GRB10: variants seen among roughly 807,000 people sequenced by gnomAD.
The protein encoded by GRB10 is growth factor receptor bound protein 10, also known as growth factor receptor-bound protein 10.
In GRB10, 20 loss-of-function variants were observed where a neutral mutation model predicts 80.9. That is an observed-to-expected ratio of 0.25 (90% CI 0.17 to 0.36). The LOEUF is 0.36. Among genes scored for constraint, GRB10 ranks in the 10% least tolerant of loss-of-function variants. The pLI, the probability that GRB10 is intolerant of heterozygous loss-of-function variation, is 1.00. For synonymous variants in GRB10, 291 were observed against 291.5 expected (o/e 1.00, Z 0.02); for missense variants, 548 against 747.7 (o/e 0.73, Z 3.12).
intron 7 of GRB10, among the ~76,000 whole-genome samples, chr7:50,667,944 T>C (rs548118194): frequency 6.6e-6 from 1 of 152,318 alleles, no homozygotes; most frequent in South Asian, 2.1e-4. Context: ...CATGGTCTTA[T>C]TTTAGAATGG....
intron 2 of GRB10, among the ~76,000 whole-genome samples, chr7:50,770,167 C>T (rs1448916161): frequency 2.0e-5 from 3 of 152,232 alleles, no homozygotes; most frequent in Non-Finnish European, 2.9e-5. Context: ...CTAATCACTT[C>T]ATCTAGTTCC....
At chr7:50,665,371 A>T (rs1276414654) in intron 7 of GRB10, among the ~76,000 whole-genome samples, 1 of 152,224 alleles carries the variant, frequency 6.6e-6, no homozygotes, top group African/African-American at 2.4e-5. Context: ...ACAACAAAAT[A>T]AAACAGAAAG....
chr7:50,612,496 T>C (rs951291582), intron 13 of GRB10, among the ~76,000 whole-genome samples: 1 of 152,226 alleles, frequency 6.6e-6, no homozygotes, highest in African/African-American at 2.4e-5. Flanking sequence ...AGAATTATTC[T>C]ACCCAAAATG....
At chr7:50,672,859 A>G (rs770010264) in intron 6 of GRB10, among the ~76,000 whole-genome samples, 12 of 152,236 alleles carry the variant, frequency 7.9e-5, no homozygotes, top group Non-Finnish European at 1.6e-4. Context: ...TTAACTCCTC[A>G]GGAGCTAAGT....
intron 9 of GRB10, 143 bp downstream of exon 9, chr7:50,619,027 T>C: frequency 1.5e-6 from 1 of 680,554 alleles, no homozygotes; most frequent in Non-Finnish European, 2.7e-6. Flanking sequence ...AAGGACTGCT[T>C]CATTAAACTA....
chr7:50,645,667 C>T (rs576570610), intron 7 of GRB10: 15 of 981,636 alleles, frequency 1.5e-5, no homozygotes, highest in South Asian at 1.4e-4. Flanking sequence ...AAGCAAACGC[C>T]GTCGTATCAG....
At chr7:50,753,888 G>T (rs774961646) in intron 3 of GRB10, among the ~76,000 whole-genome samples, 1 of 152,232 alleles carries the variant, frequency 6.6e-6, no homozygotes, top group African/African-American at 2.4e-5. Context: ...AGGTGATCCA[G>T]GAAGTGGGCG....
At chr7:50,614,737 C>T (rs776123116) in intron 12 of GRB10, 33 bp downstream of exon 12, 2 of 1,355,074 alleles carry the variant, frequency 1.5e-6, no homozygotes, top group Admixed American at 1.7e-5. Flanking sequence ...GGCTGCTGAG[C>T]ATGCGCGCCG....
chr7:50,619,689 G>C (rs529605868), intron 8 of GRB10, among the ~76,000 whole-genome samples: 11 of 152,214 alleles, frequency 7.2e-5, no homozygotes, highest in Admixed American at 1.3e-4. Flanking sequence ...GGATGACCAA[G>C]AAGGTGCAGA....
intron 7 of GRB10, among the ~76,000 whole-genome samples, chr7:50,638,958 GC>G (rs2055599879): frequency 6.6e-6 from 1 of 152,324 alleles, no homozygotes; most frequent in South Asian, 2.1e-4. Flanking sequence ...GGAGCTGGAG[GC>G]CATTATCTTA....
At chr7:50,702,099 G>T (rs1319919401) in intron 5 of GRB10, among the ~76,000 whole-genome samples, 1 of 152,228 alleles carries the variant, frequency 6.6e-6, no homozygotes, top group African/African-American at 2.4e-5. Context: ...GCTGCCTCAT[G>T]GAAGACTGCA....
At chr7:50,656,274 G>C (rs1366479223) in intron 7 of GRB10, among the ~76,000 whole-genome samples, 1 of 152,170 alleles carries the variant, frequency 6.6e-6, no homozygotes, top group Non-Finnish European at 1.5e-5. Context: ...GCTTGCTATC[G>C]GTCACTCTGA....
chr7:50,596,402 G>C lies in GRB10; in HGVS notation c.1545-872C>G, dbSNP rs141144880. 6.3e-3 allele frequency among the ~76,000 whole-genome samples: 963 copies of C among 152,336 alleles called. 10 individuals carry two copies. The highest frequency in any genetic ancestry group is 0.022 in the African/African-American group (917 of 41,570). On this transcript the variant is annotated intron_variant, in intron 17 of 18. Transcript: ENST00000401949. Reference sequence around the variant, plus strand: ...GGGGTGCTCCCGCCAAAAATGCATAGCCTGAATCTCACCATGAGTGAGGAG... The same window carrying C: ...GGGGTGCTCCCGCCAAAAATGCATACCCTGAATCTCACCATGAGTGAGGAG...
chr7:50,614,311 CACAT>C (rs1299482525), intron 12 of GRB10, among the ~76,000 whole-genome samples: 1 of 152,170 alleles, frequency 6.6e-6, no homozygotes, highest in Non-Finnish European at 1.5e-5. Flanking sequence ...TGCCAGCACA[CACAT>C]GCATGCAGAG....
chr7:50,621,321 G>A (rs1349520810), intron 8 of GRB10, among the ~76,000 whole-genome samples: 11 of 152,256 alleles, frequency 7.2e-5, no homozygotes, highest in Non-Finnish European at 1.3e-4. Context: ...CCAGGAACTC[G>A]GGATAACCGG....
upstream of GRB10, among the ~76,000 whole-genome samples, chr7:50,784,832 G>A: frequency 6.6e-6 from 1 of 152,226 alleles, no homozygotes; most frequent in East Asian, 1.9e-4. Flanking sequence ...TGGAAGCCCA[G>A]AAAGTCTCAG....
intron 5 of GRB10, among the ~76,000 whole-genome samples, chr7:50,690,652 T>C (rs908976825): frequency 6.6e-6 from 1 of 151,968 alleles, no homozygotes; most frequent in African/African-American, 2.4e-5. Flanking sequence ...GAGCAACCGA[T>C]ACTTGTTTCA....
At chr7:50,703,750 T>G in intron 5 of GRB10, 71 bp downstream of exon 5, 1 of 1,082,004 alleles carries the variant, frequency 9.2e-7, no homozygotes. Flanking sequence ...AGCAACATTT[T>G]AGAATATCAG....
At chr7:50,690,949 C>T (rs1456406285) in intron 5 of GRB10, among the ~76,000 whole-genome samples, 2 of 152,202 alleles carry the variant, frequency 1.3e-5, no homozygotes, top group Admixed American at 6.5e-5. Context: ...ATGGCTTTTT[C>T]AGTTCTGCTC....
Sources: allele counts gnomAD v4.1 joint callset (sites outside exome capture counted in the v4.1 genomes callset), GRCh38; gene constraint gnomAD v4.1.1; transcripts MANE v1.5; gene names NCBI Gene and HGNC (gene_info 2026-07-23, HGNC 2026-07-21).